DPYSL2: variants seen among roughly 807,000 people sequenced by gnomAD.
DPYSL2 encodes dihydropyrimidinase like 2.
In DPYSL2, 13 loss-of-function variants were observed where a neutral mutation model predicts 69.9. The ratio of observed to expected loss-of-function variants is 0.19; its 90% CI spans 0.12 to 0.30. The LOEUF is 0.30. DPYSL2 is among the 10% of genes least tolerant of loss of function. DPYSL2 has a pLI of 1.00. For missense variants in DPYSL2, 587 were observed against 918.9 expected, an observed-to-expected ratio of 0.64 and a Z score of 4.67; for synonymous variants, 326 against 359.1, an observed-to-expected ratio of 0.91 and a Z score of 1.04.
intron 2 of DPYSL2, 105 bp from the exon 3 acceptor site, chr8:26,583,694 C>T (rs961777680): frequency 8.5e-5 from 89 of 1,043,606 alleles, no homozygotes; most frequent in Middle Eastern, 2.9e-4. Context: ...GAAAAGCCCA[C>T]GGCACAGAGC....
chr8:26,555,755 C>T (rs900621772), intron 1 of DPYSL2, among the ~76,000 whole-genome samples: 6 of 150,110 alleles, frequency 4.0e-5, no homozygotes, highest in South Asian at 2.1e-4. Context: ...GGTTGGGGGG[C>T]GTGCACCTGT....
At chr8:26,574,550 G>A (rs1349773582) in intron 1 of DPYSL2, among the ~76,000 whole-genome samples, 1 of 152,212 alleles carries the variant, frequency 6.6e-6, no homozygotes, top group East Asian at 1.9e-4. Flanking sequence ...GTATGGGAAA[G>A]TGGAGGTTTG....
chr8:26,656,128 G>C lies in DPYSL2; in HGVS notation c.*422G>C, dbSNP rs1365396417. ...TTTCTTTTCTTTTTAAAAATTTTAA[G>C]AAGTTTTCTTTGTGGGGCTGGGGAG... On this transcript the variant is annotated 3_prime_UTR_variant, in exon 14 of 14. Coordinates refer to ENST00000521913, the MANE Select transcript of DPYSL2 (RefSeq NM_001197293.3). 2 of 153,312 alleles carry C rather than the reference G, an allele frequency of 1.3e-5. No homozygotes were observed. Among genetic ancestry groups the C allele is most frequent in the Non-Finnish European group, 2.9e-5 (2 of 70,018 alleles). 9.5% of individuals were successfully genotyped at this position (153,312 alleles called of 1,614,324 possible).
intron 3 of DPYSL2, among the ~76,000 whole-genome samples, chr8:26,623,185 GA>G (rs530764808): frequency 9.3e-4 from 141 of 152,306 alleles, no homozygotes; most frequent in Non-Finnish European, 1.3e-3. Context: ...TTTAGGAGCT[GA>G]AAAACGGTCT....
rs923343510 is a variant in DPYSL2 at position 26,657,307 on chromosome 8, C to T, written c.*1601C>T. The T allele has an allele frequency of 6.5e-6, 1 of 152,726 alleles. No individual in the cohort carries two copies. Among genetic ancestry groups the T allele is most frequent in the Non-Finnish European group, 1.5e-5 (1 of 68,062 alleles). 9.5% of individuals were successfully genotyped at this position (152,726 alleles called of 1,614,324 possible). ...TCCCTCTCCTTTTCTGTCACCTTTC[C>T]CCCTAGCTGGCTCCTTTGGACCTAC... On this transcript the variant is annotated 3_prime_UTR_variant, in exon 14 of 14. Coordinates refer to ENST00000521913, the MANE Select transcript of DPYSL2 (RefSeq NM_001197293.3).
Position 26,593,499 on chromosome 8 carries a change from G to A in DPYSL2, c.628+9516G>A, listed in dbSNP as rs1418564225. Among the ~76,000 whole-genome samples the A allele has an allele frequency of 2.6e-5, 4 of 152,296 alleles. No individual in the cohort carries two copies. In the East Asian group the frequency reaches 7.7e-4, roughly 29 times the overall value. ...CCCTGCTTTGTCCTGTCCTCTTCACGAAGGGAGTGGGATCACACTGTTGCT... is the reference window on the plus strand; with the variant it reads ...CCCTGCTTTGTCCTGTCCTCTTCACAAAGGGAGTGGGATCACACTGTTGCT... On this transcript the variant is annotated intron_variant, in intron 3 of 13. Transcript: ENST00000521913. This position sits in a 1 kb window ranked among gnomAD's most constrained non-coding sequence, Gnocchi z 5.7.
In DPYSL2 at chr8:26,609,360, C is replaced by T. The variant is rs963590682; in HGVS notation, c.629-14783C>T. 5.3e-5 allele frequency among the ~76,000 whole-genome samples: 8 copies of T among 152,158 alleles called. No individual in the cohort carries two copies. The highest frequency in any genetic ancestry group is 1.3e-4 in the Admixed American group (2 of 15,294). On this transcript the variant is annotated intron_variant, in intron 3 of 13. Coordinates refer to ENST00000521913, the MANE Select transcript of DPYSL2 (RefSeq NM_001197293.3). The surrounding 1 kb of genome is among the most constrained non-coding windows in gnomAD (Gnocchi z 6.5). ...CTTTTGGGGCGCATTTAGTTCTGCA[C>T]GTTGTGTATGTAAGTAGATGTTCTT...
In DPYSL2 at chr8:26,547,316, T is replaced by C. The variant is rs1158635591; in HGVS notation, c.354+32637T>C. 2.6e-5 allele frequency among the ~76,000 whole-genome samples: 4 copies of C among 151,836 alleles called. No individual in the cohort carries two copies. The East Asian group carries it at 7.7e-4, about 29-fold the overall frequency. ...AGGTGGAGGTTGCAGTGAGCCAAGATTGTGCCACTGCACTCCAGCCTGGTT... is the reference window on the plus strand; with the variant it reads ...AGGTGGAGGTTGCAGTGAGCCAAGACTGTGCCACTGCACTCCAGCCTGGTT... On this transcript the variant is annotated intron_variant, in intron 1 of 13. Transcript: ENST00000521913.
chr8:26,556,211 A>AGT (rs1563385107), intron 1 of DPYSL2, among the ~76,000 whole-genome samples: 1 of 9,058 alleles, frequency 1.1e-4, no homozygotes, highest in African/African-American at 2.3e-4. Context: ...CTATATATAT[A>AGT]CTATATATAG....
intron 3 of DPYSL2, among the ~76,000 whole-genome samples, chr8:26,604,786 C>T (rs770551591): frequency 1.3e-5 from 2 of 152,098 alleles, no homozygotes; most frequent in Non-Finnish European, 2.9e-5. Context: ...CTCAGCCTCC[C>T]AAGTAGCTGG....
At chr8:26,566,372 G>A (rs779073366) in intron 1 of DPYSL2, among the ~76,000 whole-genome samples, 2 of 152,124 alleles carry the variant, frequency 1.3e-5, no homozygotes, top group African/African-American at 4.8e-5. Flanking sequence ...GGAGGGAATT[G>A]GAAACCTGAG....
In DPYSL2 at chr8:26,593,062, G is replaced by A. The variant is rs1801778357; in HGVS notation, c.628+9079G>A. 6.6e-6 allele frequency among the ~76,000 whole-genome samples: 1 copy of A among 152,164 alleles called. No homozygotes were observed. The highest frequency in any genetic ancestry group is 2.1e-4 in the South Asian group (1 of 4,818). ...TTAACTGCCATGGTAATGATAAAGG[G>A]GAGTGACAGTGAGTAGAAATTAGAG... On this transcript the variant is annotated intron_variant, in intron 3 of 13. Coordinates refer to ENST00000521913, the MANE Select transcript of DPYSL2 (RefSeq NM_001197293.3). The surrounding 1 kb of genome is among the most constrained non-coding windows in gnomAD (Gnocchi z 5.7).
intron 1 of DPYSL2, among the ~76,000 whole-genome samples, chr8:26,515,023 C>A (rs956513921): frequency 6.6e-6 from 1 of 152,202 alleles, no homozygotes; most frequent in Non-Finnish European, 1.5e-5. Context: ...CGGGCGGCTT[C>A]CGATTGCAGC....
chr8:26,581,171 GA>G (rs1003927664), intron 1 of DPYSL2, among the ~76,000 whole-genome samples: 1 of 152,092 alleles, frequency 6.6e-6, no homozygotes, highest in African/African-American at 2.4e-5. Flanking sequence ...AAATATAAAG[GA>G]CATATTGAAT....
At chr8:26,576,975 AGAGC>A (rs1801360598) in intron 1 of DPYSL2, 1 of 296,334 alleles carries the variant, frequency 3.4e-6, no homozygotes, top group Non-Finnish European at 6.6e-6. Context: ...GCGGGCGCAC[AGAGC>A]GCAGATCGCG....
At position 26,634,816 on chromosome 8, in the gene DPYSL2, G is replaced by T; in HGVS notation, c.1042G>T (p.Ala348Ser). 2 of 1,614,158 alleles carry T rather than the reference G, an allele frequency of 1.2e-6. No homozygotes were observed. The highest frequency in any genetic ancestry group is 1.1e-5 in the South Asian group (1 of 91,084). The part of the protein sequence containing the change: ...AEAVNRAITI[A>S]NQTNCPLYIT... ...AGCCGTGAATCGTGCCATCACCATC[G>T]CCAACCAGACCAACTGCCCGCTGTA... Residue 348 changes from alanine to serine, a missense_variant, in exon 8 of 14, where the codon GCC becomes TCC. Physicochemically the swap from Ala to Ser is moderately conservative, Grantham distance 99. Around this residue, in one of 3 missense-constraint regions of DPYSL2, gnomAD observed 452 missense variants for 754.3 expected, o/e 0.60. Coordinates refer to ENST00000521913, the MANE Select transcript of DPYSL2 (RefSeq NM_001197293.3).
At chr8:26,547,480 CA>C (rs1326055676) in intron 1 of DPYSL2, among the ~76,000 whole-genome samples, 1 of 152,018 alleles carries the variant, frequency 6.6e-6, no homozygotes, top group African/African-American at 2.4e-5. Context: ...AATTGAAAGA[CA>C]AAAAACAATT....
At chr8:26,525,697 T>C (rs1445666972) in intron 1 of DPYSL2, among the ~76,000 whole-genome samples, 2 of 152,148 alleles carry the variant, frequency 1.3e-5, no homozygotes, top group African/African-American at 4.8e-5. Flanking sequence ...CCAGGATCAG[T>C]TTTTTAGCTC....
At chr8:26,557,761 C>T (rs906475179) in intron 1 of DPYSL2, among the ~76,000 whole-genome samples, 2 of 151,926 alleles carry the variant, frequency 1.3e-5, no homozygotes, top group Non-Finnish European at 2.9e-5. Context: ...TGCACTCCAG[C>T]CTGGGTGACA....
Sources: gnomAD v4.1 joint callset for allele counts (sites outside exome capture counted in the v4.1 genomes callset) on GRCh38, gnomAD v4.1.1 for gene constraint, gnomAD v4.1.1 regional missense constraint, Gnocchi (gnomAD v3.1) non-coding constraint, MANE v1.5 for transcripts, NCBI Gene and HGNC (gene_info 2026-07-23, HGNC 2026-07-21) for gene names.